Variants in PTPRG observed in about 807,000 individuals in gnomAD.
PTPRG encodes receptor-type tyrosine-protein phosphatase gamma.
Under a neutral mutation model 165.3 loss-of-function variants are expected in PTPRG, and 102 were observed. The ratio of observed to expected loss-of-function variants is 0.62; its 90% CI spans 0.53 to 0.73. The LOEUF is 0.73. Among genes scored for constraint, PTPRG ranks in the 30% least tolerant of loss-of-function variants. The pLI, the probability that PTPRG is intolerant of heterozygous loss-of-function variation, is 0.00. For missense variants in PTPRG, 1,866 were observed against 1,861.4 expected (o/e 1.00, Z -0.05); for synonymous variants, 675 against 669.5 (o/e 1.01, Z -0.13).
At chr3:61,671,915 C>A (rs1219285439) in intron 1 of PTPRG, among the ~76,000 whole-genome samples, 1 of 145,002 alleles carries the variant, frequency 6.9e-6, no homozygotes, top group Admixed American at 6.8e-5. Context: ...CCCCACCTCC[C>A]TCCCGGACGA....
intron 1 of PTPRG, among the ~76,000 whole-genome samples, chr3:61,588,125 C>T (rs1219107244): frequency 2.0e-5 from 3 of 152,116 alleles, no homozygotes; most frequent in African/African-American, 7.2e-5. Flanking sequence ...TAGACTCTCC[C>T]TCACTTTGGA....
intron 2 of PTPRG, among the ~76,000 whole-genome samples, chr3:61,767,388 T>C (rs1163454315): frequency 2.6e-5 from 4 of 152,222 alleles, no homozygotes; most frequent in Non-Finnish European, 5.9e-5. Flanking sequence ...TAAATAGTTT[T>C]TTCTAATTTT....
intron 2 of PTPRG, among the ~76,000 whole-genome samples, chr3:61,856,717 C>G (rs992952558): frequency 6.6e-5 from 10 of 152,178 alleles, no homozygotes; most frequent in Non-Finnish European, 1.3e-4. Context: ...CTTATTCACT[C>G]TGTAGCTGTG....
intron 2 of PTPRG, among the ~76,000 whole-genome samples, chr3:61,809,206 G>A (rs940536244): frequency 6.6e-6 from 1 of 151,190 alleles, no homozygotes; most frequent in Admixed American, 6.6e-5. Context: ...TGAATAAGCA[G>A]CAGACTTTGC....
chr3:61,581,002 C>T (rs1203809861), intron 1 of PTPRG, among the ~76,000 whole-genome samples: 1 of 152,188 alleles, frequency 6.6e-6, no homozygotes, highest in Non-Finnish European at 1.5e-5. Flanking sequence ...TAGAGCATAG[C>T]AGACATGCCT....
At chr3:61,925,790 C>A (rs2039194830) in intron 2 of PTPRG, 1 of 419,984 alleles carries the variant, frequency 2.4e-6, no homozygotes. Flanking sequence ...CACCTGCCAA[C>A]CTATACGCCA....
chr3:61,940,274 C>A (rs1295906431), intron 2 of PTPRG, among the ~76,000 whole-genome samples: 1 of 152,088 alleles, frequency 6.6e-6, no homozygotes, highest in Non-Finnish European at 1.5e-5. Context: ...AATGTGGTTG[C>A]ATTACTTACT....
intron 5 of PTPRG, among the ~76,000 whole-genome samples, chr3:62,126,405 C>T (rs1367799858): frequency 6.6e-6 from 1 of 152,150 alleles, no homozygotes; most frequent in Non-Finnish European, 1.5e-5. Context: ...AGTAAGTAAG[C>T]CATGTCCGTG....
At chr3:62,095,351 G>A (rs1486193340) in intron 5 of PTPRG, among the ~76,000 whole-genome samples, 4 of 152,168 alleles carry the variant, frequency 2.6e-5, no homozygotes, top group East Asian at 1.9e-4. Context: ...TTGCAGCCTC[G>A]CTGTGGACTT....
chr3:62,267,726 T>A lies in PTPRG; in HGVS notation c.2781T>A (p.Pro927=), dbSNP rs1453337781. 6.2e-7 allele frequency: 1 copy of A among 1,613,536 alleles called. No individual in the cohort carries two copies. The highest frequency in any genetic ancestry group is 8.5e-7 in the Non-Finnish European group (1 of 1,179,524). Residue 927 remains proline (P), a synonymous_variant, in exon 19 of 30, where the codon CCT becomes CCA. Transcript: ENST00000474889. The stretch of plus-strand genomic sequence containing the variant: ...AAGCCTACATTGCCACCCAAGGACC[T>A]TTGAAGTCTACATTTGAAGATTTCT... ...KAKAYIATQG[P]LKSTFEDFWR...
Position 62,157,093 on chromosome 3 carries a change from G to A in PTPRG, c.709G>A (p.Val237Ile), listed in dbSNP as rs200434651. The change falls in exon 7 of 30, where the codon GTC becomes ATC. Residue 237 changes from valine (V) to isoleucine (I), a missense_variant. Coordinates refer to ENST00000474889, the MANE Select transcript of PTPRG (RefSeq NM_002841.4). ...GAAGGAGACCTTTCTGGATCCTTTC[G>A]TCCTCCGGGACCTCCTGCCTGCATC... ...HEKETFLDPFVLRDLLPASLG... is the reference protein window; with the variant it reads ...HEKETFLDPFILRDLLPASLG... The A allele has an allele frequency of 1.5e-4, 239 of 1,608,710 alleles. No individual in the cohort carries two copies. Among genetic ancestry groups the A allele is most frequent in the Admixed American group, 1.8e-4 (11 of 59,974 alleles).
intron 2 of PTPRG, among the ~76,000 whole-genome samples, chr3:61,848,354 A>G (rs889962839): frequency 2.0e-5 from 3 of 152,230 alleles, no homozygotes; most frequent in Admixed American, 6.5e-5. Flanking sequence ...TCTTTGGTCA[A>G]GGGAAAGCAC....
intron 2 of PTPRG, among the ~76,000 whole-genome samples, chr3:61,948,117 G>T (rs983416046): frequency 6.6e-6 from 1 of 152,054 alleles, no homozygotes; most frequent in Non-Finnish European, 1.5e-5. Context: ...CTGAGGTCGG[G>T]AGTTCAAGAC....
rs189801323 is a variant in PTPRG at position 61,928,859 on chromosome 3, T to G, written c.191-60766T>G. Among the ~76,000 whole-genome samples, 136 of 152,354 alleles carry G rather than the reference T, an allele frequency of 8.9e-4. 2 individuals are homozygous for G. The highest frequency in any genetic ancestry group is 8.8e-3 in the Admixed American group (135 of 15,306). ...AATATTTCACTATAAAACAGTTGATTGGAGTCATACAGTGGTTCTCAACTA... is the reference window on the plus strand; with the variant it reads ...AATATTTCACTATAAAACAGTTGATGGGAGTCATACAGTGGTTCTCAACTA... On this transcript the variant is annotated intron_variant, in intron 2 of 29. Coordinates refer to ENST00000474889, the MANE Select transcript of PTPRG (RefSeq NM_002841.4).
At chr3:61,903,525 C>A (rs992424082) in intron 2 of PTPRG, among the ~76,000 whole-genome samples, 1 of 152,174 alleles carries the variant, frequency 6.6e-6, no homozygotes, top group Admixed American at 6.5e-5. Flanking sequence ...AGGTGCCTAC[C>A]ACTAAGCCTG....
intron 2 of PTPRG, among the ~76,000 whole-genome samples, chr3:61,978,266 C>T (rs937769399): frequency 1.1e-4 from 17 of 152,114 alleles, no homozygotes; most frequent in Non-Finnish European, 2.2e-4. Flanking sequence ...TGTTTTTTAC[C>T]GTAGTTCCTC....
At chr3:62,192,169 A>G (rs948394791) in intron 9 of PTPRG, among the ~76,000 whole-genome samples, 7 of 151,940 alleles carry the variant, frequency 4.6e-5, no homozygotes, top group Non-Finnish European at 1.0e-4. Context: ...TGCCTTACAC[A>G]TTTCCAATAC....
At chr3:61,885,318 G>C (rs1242709847) in intron 2 of PTPRG, among the ~76,000 whole-genome samples, 1 of 151,904 alleles carries the variant, frequency 6.6e-6, no homozygotes, top group Non-Finnish European at 1.5e-5. Context: ...TTTTACTACT[G>C]TAGAATATTT....
At chr3:61,997,104 A>G (rs901820833) in intron 3 of PTPRG, among the ~76,000 whole-genome samples, 1 of 152,220 alleles carries the variant, frequency 6.6e-6, no homozygotes, top group African/African-American at 2.4e-5. Flanking sequence ...TCAGTTTAGC[A>G]GTGAGTTAAC....
Sources: allele counts gnomAD v4.1 joint callset (sites outside exome capture counted in the v4.1 genomes callset), GRCh38; gene constraint gnomAD v4.1.1; transcripts MANE v1.5; gene names NCBI Gene and HGNC (gene_info 2026-07-23, HGNC 2026-07-21).